Variants in PDE9A observed in about 807,000 individuals in gnomAD.
PDE9A encodes high affinity cGMP-specific 3',5'-cyclic phosphodiesterase 9A.
PDE9A carries 60 observed loss-of-function variants against 87.4 expected under a neutral mutation model. That is an observed-to-expected ratio of 0.69 (90% CI 0.56 to 0.85). The LOEUF (loss-of-function observed/expected upper bound fraction) is 0.85. Ranked by LOEUF, PDE9A falls within the 40% of genes least tolerant of loss-of-function variation. PDE9A has a pLI of 0.00. For synonymous variants in PDE9A, 272 were observed against 279.4 expected (o/e 0.97, Z 0.27); for missense variants, 665 against 779.0 (o/e 0.85, Z 1.74).
intron 1 of PDE9A, among the ~76,000 whole-genome samples, chr21:42,669,517 A>C (rs566002950): frequency 1.3e-5 from 2 of 152,326 alleles, no homozygotes; most frequent in South Asian, 4.1e-4. Context: ...GCCCAAGAGA[A>C]GGGACATTAA....
Position 42,705,687 on chromosome 21 carries a change from G to A in PDE9A, c.262+6676G>A, listed in dbSNP as rs1445289938. Among the ~76,000 whole-genome samples the A allele has an allele frequency of 1.3e-5, 2 of 152,204 alleles. No homozygotes were observed. Among genetic ancestry groups the A allele is most frequent in the African/African-American group, 2.4e-5 (1 of 41,464 alleles). ...CTATAGGAGAGCCAGGGGCCATCAC[G>A]ATTTTCTTAGGCACAGCAGCAGTTG... is the stretch of plus-strand genomic sequence containing the variant. On this transcript the variant is annotated intron_variant, in intron 4 of 19. Transcript: ENST00000291539. The surrounding 1 kb of genome is among the most constrained non-coding windows in gnomAD (Gnocchi z 4.3).
chr21:42,746,338 T>C (rs1368981048), intron 8 of PDE9A, among the ~76,000 whole-genome samples: 1 of 152,196 alleles, frequency 6.6e-6, no homozygotes, highest in Non-Finnish European at 1.5e-5. Context: ...AGAAATGTAT[T>C]CCCACATAGT....
chr21:42,764,529 A>G (rs1010917287), intron 14 of PDE9A, among the ~76,000 whole-genome samples: 3 of 152,060 alleles, frequency 2.0e-5, no homozygotes, highest in African/African-American at 7.2e-5. Flanking sequence ...GCCTCGTCCC[A>G]CTGAGCCATG....
At chr21:42,676,977 G>A (rs1173129019) in intron 1 of PDE9A, among the ~76,000 whole-genome samples, 3 of 152,214 alleles carry the variant, frequency 2.0e-5, no homozygotes, top group African/African-American at 4.8e-5. Flanking sequence ...TGAGCTCCAC[G>A]GGGCCCAGCG....
chr21:42,709,034 A>G (rs2049068219), intron 4 of PDE9A, among the ~76,000 whole-genome samples: 1 of 152,248 alleles, frequency 6.6e-6, no homozygotes, highest in South Asian at 2.1e-4. Context: ...TCACAATAGC[A>G]AAGAGATAGT....
intron 10 of PDE9A, among the ~76,000 whole-genome samples, chr21:42,754,812 C>T (rs373340279): frequency 2.0e-5 from 3 of 152,296 alleles, no homozygotes; most frequent in East Asian, 3.9e-4. Flanking sequence ...TTCTCCTTCT[C>T]TGCCATTCTC....
intron 4 of PDE9A, among the ~76,000 whole-genome samples, chr21:42,703,024 G>A (rs1281432739): frequency 6.6e-6 from 1 of 152,240 alleles, no homozygotes; most frequent in Non-Finnish European, 1.5e-5. Flanking sequence ...TTTTTGGGAG[G>A]AGGCGGAGGC....
intron 3 of PDE9A, among the ~76,000 whole-genome samples, chr21:42,698,358 G>A (rs1312449101): frequency 6.6e-6 from 1 of 152,152 alleles, no homozygotes; most frequent in Non-Finnish European, 1.5e-5. Flanking sequence ...GACTGCTCCT[G>A]GTCTATGCCT....
intron 4 of PDE9A, among the ~76,000 whole-genome samples, chr21:42,720,945 C>T (rs1441115768): frequency 6.6e-6 from 1 of 151,772 alleles, no homozygotes. Flanking sequence ...GCGGAGGTTG[C>T]AGTGAGCTGA....
At position 42,759,834 on chromosome 21, in the gene PDE9A, G is replaced by A. The variant is rs142809420; in HGVS notation, c.898-494G>A. Reference sequence around the variant, plus strand: ...GCATGTGTGTGTGTGGATGTGGGGTGTGTGAGTGTGTGGTGTGTGAGTGGG... The same window carrying A: ...GCATGTGTGTGTGTGGATGTGGGGTATGTGAGTGTGTGGTGTGTGAGTGGG... On this transcript the variant is annotated intron_variant, in intron 11 of 19. Coordinates refer to ENST00000291539, the MANE Select transcript of PDE9A (RefSeq NM_002606.3). This position sits in a 1 kb window ranked among gnomAD's most constrained non-coding sequence, Gnocchi z 7.2. 3.6e-4 allele frequency among the ~76,000 whole-genome samples: 55 copies of A among 151,218 alleles called. No homozygotes were observed. In the East Asian group the frequency reaches 0.01, roughly 28 times the overall value.
intron 4 of PDE9A, among the ~76,000 whole-genome samples, chr21:42,720,645 C>A (rs1024916547): frequency 1.8e-4 from 27 of 152,154 alleles, no homozygotes; most frequent in African/African-American, 6.5e-4. Context: ...TGGAGTAGGG[C>A]AGGTCGGGCT....
At chr21:42,746,416 G>C (rs1371596717) in intron 8 of PDE9A, among the ~76,000 whole-genome samples, 1 of 152,202 alleles carries the variant, frequency 6.6e-6, no homozygotes, top group Non-Finnish European at 1.5e-5. Context: ...CCCAGGGGAG[G>C]GACCTTCCCG....
At chr21:42,667,876 A>C (rs2058114221) in intron 1 of PDE9A, among the ~76,000 whole-genome samples, 1 of 151,526 alleles carries the variant, frequency 6.6e-6, no homozygotes, top group East Asian at 1.9e-4. Flanking sequence ...GCTTTGATGA[A>C]CCGCCCTTTC....
In PDE9A at chr21:42,739,973, C is replaced by T. The variant is rs1461780024; in HGVS notation, c.569-3803C>T. Among the ~76,000 whole-genome samples, 4 of 151,714 alleles carry T rather than the reference C, an allele frequency of 2.6e-5. No individual in the cohort carries two copies. Among genetic ancestry groups the T allele is most frequent in the Non-Finnish European group, 4.4e-5 (3 of 67,954 alleles). ...AGCAGCCACTAACATGGGGAAGGGC[C>T]GTGACCTCCTGATGAGTGAAAATAG... is the stretch of plus-strand genomic sequence containing the variant. On this transcript the variant is annotated intron_variant, in intron 7 of 19. Transcript: ENST00000291539. The surrounding 1 kb of genome is among the most constrained non-coding windows in gnomAD (Gnocchi z 4.1).
At chr21:42,764,055 C>G (rs1199989514) in intron 14 of PDE9A, among the ~76,000 whole-genome samples, 1 of 152,232 alleles carries the variant, frequency 6.6e-6, no homozygotes, top group African/African-American at 2.4e-5. Context: ...TGGTCAAGGC[C>G]TCTGCTGGCC....
intron 14 of PDE9A, among the ~76,000 whole-genome samples, chr21:42,764,003 G>A (rs1417993450): frequency 1.3e-5 from 2 of 152,236 alleles, no homozygotes; most frequent in Non-Finnish European, 2.9e-5. Flanking sequence ...TGTGCCAGAG[G>A]CAGAGGTGGG....
chr21:42,748,959 G>A (rs1461662429), intron 8 of PDE9A, among the ~76,000 whole-genome samples: 1 of 151,986 alleles, frequency 6.6e-6, no homozygotes, highest in African/African-American at 2.4e-5. Flanking sequence ...CATAATATCC[G>A]TGATGATCCT....
At chr21:42,773,090 T>C (rs1014667636) in intron 19 of PDE9A, among the ~76,000 whole-genome samples, 139 of 150,974 alleles carry the variant, frequency 9.2e-4, no homozygotes, top group Non-Finnish European at 1.7e-3. Flanking sequence ...GGTGAAACCC[T>C]GTCTCTACTA....
At chr21:42,768,673 G>A in intron 16 of PDE9A, 1 of 985,466 alleles carries the variant, frequency 1.0e-6, no homozygotes, top group Non-Finnish European at 1.2e-6. Context: ...GGAAGGTCGG[G>A]GACATAGAAA....
Sources: allele counts gnomAD v4.1 joint callset (sites outside exome capture counted in the v4.1 genomes callset), GRCh38; gene constraint gnomAD v4.1.1; non-coding constraint Gnocchi (gnomAD v3.1); transcripts MANE v1.5; gene names NCBI Gene and HGNC (gene_info 2026-07-23, HGNC 2026-07-21).